Variants in LITAF observed in about 807,000 individuals in gnomAD.
LITAF encodes lipopolysaccharide-induced tumor necrosis factor-alpha factor.
Under a neutral mutation model 14.5 loss-of-function variants are expected in LITAF, and 9 were observed. That is an observed-to-expected ratio of 0.62 (90% CI 0.37 to 1.08). The LOEUF (loss-of-function observed/expected upper bound fraction) is 1.08. Among genes scored for constraint, LITAF ranks in the 50% least tolerant of loss-of-function variants. The pLI, the probability that LITAF is intolerant of heterozygous loss-of-function variation, is 0.01. For missense variants in LITAF, 206 were observed against 213.4 expected, an observed-to-expected ratio of 0.97 and a Z score of 0.22; for synonymous variants, 98 against 88.2, an observed-to-expected ratio of 1.11 and a Z score of -0.62.
chr16:11,569,643 A>C (rs957846981), intron 1 of LITAF, among the ~76,000 whole-genome samples: 1 of 152,210 alleles, frequency 6.6e-6, no homozygotes, highest in African/African-American at 2.4e-5. Flanking sequence ...GGCCTGGTCA[A>C]CTGAACACCC....
intron 3 of LITAF, among the ~76,000 whole-genome samples, chr16:11,633,009 A>G (rs1216666281): frequency 6.6e-6 from 1 of 152,154 alleles, no homozygotes; most frequent in Non-Finnish European, 1.5e-5. Flanking sequence ...TCCTGCACCC[A>G]TGATACCCTC....
intron 2 of LITAF, among the ~76,000 whole-genome samples, chr16:11,554,609 A>G (rs1278719858): frequency 2.0e-5 from 3 of 151,992 alleles, no homozygotes; most frequent in African/African-American, 4.8e-5. Context: ...CCTGGCCAAC[A>G]TGGTGAAACC....
upstream of LITAF, among the ~76,000 whole-genome samples, chr16:11,592,071 C>T (rs8054395): frequency 0.42 from 64,023 of 152,100 alleles, 14,598 homozygotes; most frequent in African/African-American, 0.6. Flanking sequence ...AACAAATGCA[C>T]AAGCAATAAA....
At chr16:11,610,082 G>C (rs987147259) in intron 3 of LITAF, among the ~76,000 whole-genome samples, 2 of 152,186 alleles carry the variant, frequency 1.3e-5, no homozygotes, top group African/African-American at 4.8e-5. Context: ...GCTTTGGGGG[G>C]CCTCAGGGAA....
chr16:11,579,725 C>A (rs1254882982), intron 1 of LITAF, among the ~76,000 whole-genome samples: 1 of 152,106 alleles, frequency 6.6e-6, no homozygotes, highest in South Asian at 2.1e-4. Context: ...GGGTGAGGAA[C>A]TCCCTGTACT....
rs1441497907 is a variant in LITAF, at chr16:11,549,535, G to A, written c.*102C>T. On this transcript the variant is annotated 3_prime_UTR_variant, in exon 4 of 4. Transcript: ENST00000622633. The surrounding 1 kb of genome is among the most constrained non-coding windows in gnomAD (Gnocchi z 4.6). ...AAGACATGAAGGTGGGCCCCCTGGA[G>A]AGGTGAGACCACCAGGGCAGAACCT... The A allele has an allele frequency of 2.4e-6, 2 of 831,414 alleles. No individual in the cohort carries two copies. Among genetic ancestry groups the A allele is most frequent in the Admixed American group, 4.0e-5 (2 of 49,964 alleles). The allele number at this position is 831,414 out of a possible 1,614,324, so 51.5% of individuals were successfully genotyped here.
chr16:11,632,068 C>T lies in LITAF; in HGVS notation c.85+1465G>A, dbSNP rs1295763308. On this transcript the variant is annotated intron_variant, in intron 3 of 3. Transcript: ENST00000574848. The surrounding 1 kb of genome is among the most constrained non-coding windows in gnomAD (Gnocchi z 4.8). Reference sequence around the variant, plus strand: ...CTTTTTAGTAGAGACGGGGTTTCACCGTGTTAACCAGGATGGTCTTGATCT... The same window carrying T: ...CTTTTTAGTAGAGACGGGGTTTCACTGTGTTAACCAGGATGGTCTTGATCT... Among the ~76,000 whole-genome samples, 3 of 151,796 alleles carry T rather than the reference C, an allele frequency of 2.0e-5. No homozygotes were observed. The highest frequency in any genetic ancestry group is 6.6e-5 in the Admixed American group (1 of 15,224).
In LITAF at chr16:11,605,005, G is replaced by A. The variant is rs1321300206; in HGVS notation, c.85+28528C>T. Among the ~76,000 whole-genome samples, 3 of 152,150 alleles carry A rather than the reference G, an allele frequency of 2.0e-5. No individual in the cohort carries two copies. The highest frequency in any genetic ancestry group is 6.5e-5 in the Admixed American group (1 of 15,268). On this transcript the variant is annotated intron_variant, in intron 3 of 3. Transcript: ENST00000574848. The surrounding 1 kb of genome is among the most constrained non-coding windows in gnomAD (Gnocchi z 4.7). ...CTGTGTCGGGAAGTTGGAGCAATGC[G>A]GGAAAGAACGGAACTTCCTTGCCTA...
In LITAF at chr16:11,632,658, G is replaced by A. The variant is rs896427577; in HGVS notation, c.85+875C>T. 2.0e-5 allele frequency among the ~76,000 whole-genome samples: 3 copies of A among 152,202 alleles called. No individual in the cohort carries two copies. Among genetic ancestry groups the A allele is most frequent in the African/African-American group, 7.2e-5 (3 of 41,458 alleles). ...GCCAGAGCCAGGGGAAGAACTGATG[G>A]CTGGACCCCAGGCCCAAGGCAGATG... On this transcript the variant is annotated intron_variant, in intron 3 of 3. Coordinates refer to the LITAF transcript ENST00000574848. The surrounding 1 kb of genome is among the most constrained non-coding windows in gnomAD (Gnocchi z 4.8).
At chr16:11,562,398 A>C (rs2064384555) in intron 1 of LITAF, among the ~76,000 whole-genome samples, 1 of 151,694 alleles carries the variant, frequency 6.6e-6, no homozygotes, top group South Asian at 2.1e-4. Context: ...TCCATGCTGC[A>C]CTGGAGCCCA....
At chr16:11,606,987 G>A (rs1320910761) in intron 3 of LITAF, among the ~76,000 whole-genome samples, 2 of 152,088 alleles carry the variant, frequency 1.3e-5, no homozygotes, top group African/African-American at 2.4e-5. Context: ...TGCTATTCCT[G>A]TCCTATATTA....
upstream of LITAF, among the ~76,000 whole-genome samples, chr16:11,638,628 G>C (rs2065152332): frequency 6.8e-6 from 1 of 147,610 alleles, no homozygotes; most frequent in Non-Finnish European, 1.5e-5. Flanking sequence ...TTGAACCCAG[G>C]AGGTGGAGGT....
chr16:11,571,886 C>T (rs2064546229), intron 1 of LITAF, among the ~76,000 whole-genome samples: 1 of 152,084 alleles, frequency 6.6e-6, no homozygotes, highest in Non-Finnish European at 1.5e-5. Context: ...CACTTGAATC[C>T]AGGAGTTCAA....
chr16:11,597,075 G>A (rs939740695), intron 1 of LITAF, among the ~76,000 whole-genome samples: 4 of 152,168 alleles, frequency 2.6e-5, no homozygotes, highest in African/African-American at 9.7e-5. Flanking sequence ...GAAGTTGTCA[G>A]GCAGCTTTCT....
upstream of LITAF, among the ~76,000 whole-genome samples, chr16:11,601,629 G>A (rs1474662068): frequency 6.6e-6 from 1 of 152,136 alleles, no homozygotes; most frequent in Non-Finnish European, 1.5e-5. Flanking sequence ...GAGTGCGGTG[G>A]TGTGATCACA....
At chr16:11,563,913 G>C (rs1377769373) in intron 1 of LITAF, among the ~76,000 whole-genome samples, 1 of 151,922 alleles carries the variant, frequency 6.6e-6, no homozygotes, top group Non-Finnish European at 1.5e-5. Context: ...AGTTTTGCTT[G>C]TGTTTTTGTT....
intron 3 of LITAF, among the ~76,000 whole-genome samples, chr16:11,609,025 C>A (rs1424981588): frequency 1.3e-5 from 2 of 151,068 alleles, no homozygotes; most frequent in Admixed American, 1.3e-4. Flanking sequence ...TGTGAAATGT[C>A]CAGAACAGGC....
At chr16:11,587,415 G>A, upstream of LITAF, 1 of 453,956 alleles carries the variant, frequency 2.2e-6, no homozygotes, top group South Asian at 1.6e-5. Flanking sequence ...CTACAGACGC[G>A]TCCGGACAGA....
At chr16:11,638,846 C>T (rs894591195), upstream of LITAF, among the ~76,000 whole-genome samples, 2 of 149,706 alleles carry the variant, frequency 1.3e-5, no homozygotes, top group Non-Finnish European at 3.0e-5. Context: ...TCCACAATCT[C>T]ATTTTAGATA....
Sources: allele counts gnomAD v4.1 joint callset (sites outside exome capture counted in the v4.1 genomes callset), GRCh38; gene constraint gnomAD v4.1.1; non-coding constraint Gnocchi (gnomAD v3.1); transcripts MANE v1.5; gene names NCBI Gene and HGNC (gene_info 2026-07-23, HGNC 2026-07-21).